Variants in MSI2 observed in about 807,000 individuals in gnomAD.
MSI2 encodes RNA-binding protein Musashi homolog 2.
MSI2 carries 17 observed loss-of-function variants against 45.6 expected under a neutral mutation model. That is an observed-to-expected ratio of 0.37 (90% CI 0.26 to 0.56). The LOEUF (loss-of-function observed/expected upper bound fraction) is 0.56, where lower values mean the gene tolerates loss of function less well. MSI2 is among the 20% of genes least tolerant of loss of function. The pLI, the probability that MSI2 is intolerant of heterozygous loss-of-function variation, is 0.77. For missense variants in MSI2, 293 were observed against 444.2 expected (o/e 0.66, Z 3.06); for synonymous variants, 156 against 158.2 (o/e 0.99, Z 0.11).
At chr17:57,322,846 CA>C (rs1913461395) in intron 5 of MSI2, among the ~76,000 whole-genome samples, 1 of 152,168 alleles carries the variant, frequency 6.6e-6, no homozygotes, top group South Asian at 2.1e-4. Context: ...GTGGCAACTG[CA>C]GGTCTTTGGA....
intron 5 of MSI2, among the ~76,000 whole-genome samples, chr17:57,338,774 A>AT (rs1477642038): frequency 6.6e-5 from 10 of 152,182 alleles, no homozygotes; most frequent in Admixed American, 3.9e-4. Flanking sequence ...AAAGCAGATA[A>AT]TGTGGCATGA....
intron 6 of MSI2, among the ~76,000 whole-genome samples, chr17:57,431,924 CG>C (rs1452968608): frequency 6.6e-6 from 1 of 152,158 alleles, no homozygotes; most frequent in Non-Finnish European, 1.5e-5. Context: ...GGGCATTTGG[CG>C]GCGGTGTGGA....
intron 6 of MSI2, among the ~76,000 whole-genome samples, chr17:57,409,004 G>A (rs1297482873): frequency 2.0e-5 from 3 of 151,022 alleles, no homozygotes; most frequent in East Asian, 1.9e-4. Context: ...TCTGTAGACC[G>A]GCCAGATTTG....
intron 5 of MSI2, 200 bp downstream of exon 5, chr17:57,262,392 C>A: frequency 2.0e-6 from 1 of 495,670 alleles, no homozygotes. Context: ...TTCTGAACAT[C>A]CACCTGGGGG....
upstream of MSI2, chr17:57,256,488 G>A (rs1189728314): frequency 3.7e-6 from 1 of 269,474 alleles, no homozygotes; most frequent in Non-Finnish European, 6.8e-6. Context: ...AGGGGGAGAG[G>A]TGGGGATGGG....
chr17:57,565,903 A>G (rs1321492122), intron 7 of MSI2: 3 of 152,168 alleles, frequency 2.0e-5, no homozygotes, highest in Non-Finnish European at 2.9e-5. Context: ...CTCCTAAGTA[A>G]CATCTGTTTA....
intron 6 of MSI2, among the ~76,000 whole-genome samples, chr17:57,439,720 A>G (rs2084761801): frequency 6.6e-6 from 1 of 152,108 alleles, no homozygotes; most frequent in Non-Finnish European, 1.5e-5. Context: ...CACCTTGCCC[A>G]ACTAATTTTT....
rs910168182 is a variant in MSI2 at position 57,256,668 on chromosome 17, G to C, written c.-75G>C. ...GGAGGGAGCGGAGATCTCGGGGCTC[G>C]GAGCCGGCCGCCGCTCCGCTCCGAT... is the stretch of plus-strand genomic sequence containing the variant. On this transcript the variant is annotated 5_prime_UTR_variant, in exon 1 of 14. Coordinates refer to ENST00000284073, the MANE Select transcript of MSI2 (RefSeq NM_138962.4). 1.9e-5 allele frequency: 12 copies of C among 618,404 alleles called. No individual in the cohort carries two copies. The highest frequency in any genetic ancestry group is 4.2e-5 in the African/African-American group (2 of 48,150). The allele number at this position is 618,404 out of a possible 1,614,324, so 38.3% of individuals were successfully genotyped here.
chr17:57,257,939 A>G (rs1340179343), intron 3 of MSI2, among the ~76,000 whole-genome samples: 1 of 152,132 alleles, frequency 6.6e-6, no homozygotes, highest in African/African-American at 2.4e-5. Context: ...ATCTCTTCTA[A>G]GTGCCGGGCT....
chr17:57,530,152 T>C (rs2086791245), intron 7 of MSI2, among the ~76,000 whole-genome samples: 1 of 152,132 alleles, frequency 6.6e-6, no homozygotes, highest in Admixed American at 6.5e-5. Flanking sequence ...AATAAAACAT[T>C]GTAGGTTCGT....
At chr17:57,321,919 C>A (rs1003809153) in intron 5 of MSI2, among the ~76,000 whole-genome samples, 8 of 152,070 alleles carry the variant, frequency 5.3e-5, no homozygotes, top group Non-Finnish European at 1.0e-4. Flanking sequence ...GCCCCAGCCT[C>A]CCGAGTAGCT....
At chr17:57,698,709 C>T in the MSI2 span, among the ~76,000 whole-genome samples, 2 of 152,162 alleles carry the variant, frequency 1.3e-5, no homozygotes, top group East Asian at 3.8e-4. Context: ...ATCAATGCCC[C>T]TTGTTGCCTT....
At chr17:57,690,763 A>G in the MSI2 span, among the ~76,000 whole-genome samples, 4 of 152,302 alleles carry the variant, frequency 2.6e-5, no homozygotes, top group African/African-American at 7.2e-5. Flanking sequence ...TGTTTTTCAA[A>G]TAGCAAAAGT....
chr17:57,546,889 AC>A (rs2087181154), intron 7 of MSI2, among the ~76,000 whole-genome samples: 1 of 152,214 alleles, frequency 6.6e-6, no homozygotes, highest in Admixed American at 6.5e-5. Context: ...ACTGCAGGGA[AC>A]AAGGCAGGCC....
At chr17:57,615,649 C>T (rs1907615370) in intron 8 of MSI2, among the ~76,000 whole-genome samples, 1 of 152,170 alleles carries the variant, frequency 6.6e-6, no homozygotes, top group Admixed American at 6.5e-5. Flanking sequence ...CATCCAACAG[C>T]CATTGTCTGC....
chr17:57,438,956 C>T (rs1257919364), intron 6 of MSI2, among the ~76,000 whole-genome samples: 6 of 152,080 alleles, frequency 3.9e-5, no homozygotes, highest in Admixed American at 2.6e-4. Context: ...CCTGCCACCA[C>T]GCCCGGCTAT....
At chr17:57,490,891 TG>T (rs2085857536) in intron 6 of MSI2, among the ~76,000 whole-genome samples, 1 of 69,080 alleles carries the variant, frequency 1.4e-5, no homozygotes, top group South Asian at 6.6e-4. Context: ...TCTTCCCCTC[TG>T]TTTTTTTCTT....
intron 6 of MSI2, among the ~76,000 whole-genome samples, chr17:57,427,030 A>G (rs909804232): frequency 6.6e-6 from 1 of 152,232 alleles, no homozygotes; most frequent in African/African-American, 2.4e-5. Flanking sequence ...CCCCCACGGA[A>G]GGTACTGTTG....
At chr17:57,598,662 CT>C (rs1209824163) in intron 8 of MSI2, among the ~76,000 whole-genome samples, 2 of 149,366 alleles carry the variant, frequency 1.3e-5, no homozygotes, top group Non-Finnish European at 3.0e-5. Flanking sequence ...TTACTACTTG[CT>C]ATTTTTTTTT....
Sources: allele counts gnomAD v4.1 joint callset (sites outside exome capture counted in the v4.1 genomes callset), GRCh38; gene constraint gnomAD v4.1.1; transcripts MANE v1.5; gene names NCBI Gene and HGNC (gene_info 2026-07-23, HGNC 2026-07-21).